The following ENTHD1 variants were observed in gnomAD, a reference collection of about 807,000 sequenced individuals.
ENTHD1 encodes ENTH domain containing 1.
ENTHD1 carries 23 observed loss-of-function variants against 39.1 expected under a neutral mutation model. The ratio of observed to expected loss-of-function variants is 0.59; its 90% CI spans 0.42 to 0.83. ENTHD1 has a LOEUF of 0.83. ENTHD1 is among the 40% of genes least tolerant of loss of function. The pLI is 0.00. For missense variants in ENTHD1, 624 were observed against 705.4 expected, an observed-to-expected ratio of 0.88 and a Z score of 1.31; for synonymous variants, 230 against 258.2, an observed-to-expected ratio of 0.89 and a Z score of 1.05.
At chr22:39,764,942 C>T (rs2065262912) in intron 6 of ENTHD1, among the ~76,000 whole-genome samples, 1 of 151,980 alleles carries the variant, frequency 6.6e-6, no homozygotes, top group Non-Finnish European at 1.5e-5. Context: ...CACACTAGTT[C>T]CTTCTAATTT....
At chr22:39,855,017 C>T (rs1293783774) in intron 3 of ENTHD1, among the ~76,000 whole-genome samples, 2 of 152,184 alleles carry the variant, frequency 1.3e-5, no homozygotes, top group African/African-American at 4.8e-5. Flanking sequence ...CCCCCATTGC[C>T]TCTCTACAGT....
chr22:39,804,882 T>C (rs1056405658), intron 5 of ENTHD1, among the ~76,000 whole-genome samples: 1 of 152,164 alleles, frequency 6.6e-6, no homozygotes, highest in Non-Finnish European at 1.5e-5. Context: ...CTGGCTGAGC[T>C]TCCCCCTCCC....
chr22:39,879,727 A>G (rs1458205334), intron 2 of ENTHD1, among the ~76,000 whole-genome samples: 1 of 152,166 alleles, frequency 6.6e-6, no homozygotes, highest in Non-Finnish European at 1.5e-5. Context: ...AGTTTCTTAT[A>G]AAACTAAACA....
intron 5 of ENTHD1, among the ~76,000 whole-genome samples, chr22:39,786,059 G>A (rs933802142): frequency 8.6e-5 from 13 of 151,966 alleles, no homozygotes; most frequent in East Asian, 3.9e-4. Flanking sequence ...AATGAACCAC[G>A]CCCATAGTAT....
intron 4 of ENTHD1, among the ~76,000 whole-genome samples, chr22:39,833,068 C>T (rs1034269311): frequency 6.6e-6 from 1 of 152,088 alleles, no homozygotes; most frequent in Admixed American, 6.5e-5. Flanking sequence ...TCCTGTCCCC[C>T]AGGTGGGCAT....
At chr22:39,827,737 C>G (rs1294754981) in intron 4 of ENTHD1, among the ~76,000 whole-genome samples, 1 of 152,054 alleles carries the variant, frequency 6.6e-6, no homozygotes, top group Non-Finnish European at 1.5e-5. Context: ...TAAACTGGTA[C>G]AACTTTTAGG....
intron 6 of ENTHD1, among the ~76,000 whole-genome samples, chr22:39,762,433 A>T (rs1251596485): frequency 2.7e-5 from 4 of 150,024 alleles, no homozygotes; most frequent in African/African-American, 2.5e-5. Context: ...TTTTTTTGAC[A>T]CAGGATCTCA....
At chr22:39,839,133 A>C (rs537328270) in intron 3 of ENTHD1, among the ~76,000 whole-genome samples, 1 of 152,256 alleles carries the variant, frequency 6.6e-6, no homozygotes, top group Non-Finnish European at 1.5e-5. Context: ...ATATCAACTC[A>C]AAAATGTGTG....
intron 5 of ENTHD1, among the ~76,000 whole-genome samples, chr22:39,793,720 A>C (rs1251741105): frequency 3.3e-5 from 5 of 152,184 alleles, no homozygotes; most frequent in African/African-American, 1.2e-4. Context: ...GAAGGTGTTC[A>C]TTCTCCAGTG....
chr22:39,865,356 A>G (rs942898776), intron 2 of ENTHD1, among the ~76,000 whole-genome samples: 20 of 152,088 alleles, frequency 1.3e-4, no homozygotes, highest in Non-Finnish European at 2.9e-5. Flanking sequence ...CTAGCTTGCT[A>G]TCATCCTAGA....
In ENTHD1 at chr22:39,867,826, G is replaced by GT. The variant is rs1165715519; in HGVS notation, c.350-5820dup. The stretch of plus-strand genomic sequence containing the variant: ...AAATCCCTCCAGTCAAGTTGACACA[G>GT]TAAGTTCATGCTTCAAAGTATCCCC... On this transcript the variant is annotated intron_variant, in intron 2 of 6. Coordinates refer to ENST00000325157, the MANE Select transcript of ENTHD1 (RefSeq NM_152512.4). This position sits in a 1 kb window ranked among gnomAD's most constrained non-coding sequence, Gnocchi z 4.5. Among the ~76,000 whole-genome samples, 1 of 152,058 alleles carries GT rather than the reference G, an allele frequency of 6.6e-6. No individual in the cohort carries two copies. Among genetic ancestry groups the GT allele is most frequent in the African/African-American group, 2.4e-5 (1 of 41,404 alleles).
intron 5 of ENTHD1, among the ~76,000 whole-genome samples, chr22:39,775,356 A>G (rs1265390819): frequency 6.6e-6 from 1 of 152,172 alleles, no homozygotes; most frequent in African/African-American, 2.4e-5. Context: ...TGTGTGTTCA[A>G]TGAATCATAA....
In ENTHD1 at chr22:39,766,464, A is replaced by C. The variant is rs1485608338; in HGVS notation, c.833-855T>G. Reference sequence around the variant, plus strand: ...AATTCTTAGGAACACCCTCAGCGCCAGGGCTTGCTCTGTAACAGCTCCATC... The same window carrying C: ...AATTCTTAGGAACACCCTCAGCGCCCGGGCTTGCTCTGTAACAGCTCCATC... On this transcript the variant is annotated intron_variant, in intron 5 of 6. Transcript: ENST00000325157. Among the ~76,000 whole-genome samples the C allele has an allele frequency of 2.0e-5, 3 of 152,180 alleles. No individual in the cohort carries two copies. The East Asian group carries it at 5.8e-4, about 29-fold the overall frequency.
chr22:39,857,621 G>A (rs2066104866), intron 3 of ENTHD1, among the ~76,000 whole-genome samples: 1 of 152,108 alleles, frequency 6.6e-6, no homozygotes, highest in African/African-American at 2.4e-5. Flanking sequence ...CATCTACCCT[G>A]CTGTTCCCTC....
chr22:39,859,279 A>G (rs1479669733), intron 3 of ENTHD1, among the ~76,000 whole-genome samples: 1 of 152,202 alleles, frequency 6.6e-6, no homozygotes, highest in African/African-American at 2.4e-5. Flanking sequence ...TATAACAGCA[A>G]TAAAGCTGTT....
rs1462330259 is a variant in ENTHD1 at position 39,770,855 on chromosome 22, C to T, written c.833-5246G>A. Among the ~76,000 whole-genome samples the T allele has an allele frequency of 3.9e-5, 6 of 152,186 alleles. No individual in the cohort carries two copies. In the South Asian group the frequency reaches 1.2e-3, roughly 32 times the overall value. On this transcript the variant is annotated intron_variant, in intron 5 of 6. Transcript: ENST00000325157. The stretch of plus-strand genomic sequence containing the variant: ...GATATCCTGGTACAGGCTGAGTGTC[C>T]CATATCTGAATTGCTTGGGACCAGA...
intron 6 of ENTHD1, among the ~76,000 whole-genome samples, chr22:39,761,997 T>C (rs2065237265): frequency 6.6e-6 from 1 of 152,196 alleles, no homozygotes; most frequent in Admixed American, 6.5e-5. Flanking sequence ...TAAAATTTTA[T>C]ACTGGACATT....
At chr22:39,876,613 T>G (rs2066291815) in intron 2 of ENTHD1, among the ~76,000 whole-genome samples, 1 of 152,136 alleles carries the variant, frequency 6.6e-6, no homozygotes, top group Admixed American at 6.5e-5. Flanking sequence ...GATTAAAATG[T>G]TCTTTATTGT....
At chr22:39,762,244 A>G (rs2065240021) in intron 6 of ENTHD1, among the ~76,000 whole-genome samples, 1 of 152,146 alleles carries the variant, frequency 6.6e-6, no homozygotes, top group African/African-American at 2.4e-5. Context: ...TTATACACAA[A>G]TAATGAGGTT....
Sources: gnomAD v4.1 joint callset for allele counts (sites outside exome capture counted in the v4.1 genomes callset) on GRCh38, gnomAD v4.1.1 for gene constraint, Gnocchi (gnomAD v3.1) non-coding constraint, MANE v1.5 for transcripts, NCBI Gene and HGNC (gene_info 2026-07-23, HGNC 2026-07-21) for gene names.